The following IL1RL2 variants were observed in gnomAD, a reference collection of about 807,000 sequenced individuals.
The protein encoded by IL1RL2 is interleukin 1 receptor like 2, also known as interleukin-1 receptor-like 2.
In IL1RL2, 68 loss-of-function variants were observed where a neutral mutation model predicts 66.8. The ratio of observed to expected loss-of-function variants is 1.02; its 90% CI spans 0.84 to 1.25. IL1RL2 has a LOEUF of 1.25. IL1RL2 is among the 50% of genes most tolerant of loss of function. The pLI, the probability that IL1RL2 is intolerant of heterozygous loss-of-function variation, is 0.00. For missense variants in IL1RL2, 729 were observed against 709.3 expected, an observed-to-expected ratio of 1.03 and a Z score of -0.32; for synonymous variants, 305 against 264.6, an observed-to-expected ratio of 1.15 and a Z score of -1.48.
intron 4 of IL1RL2, among the ~76,000 whole-genome samples, chr2:102,195,833 C>A (rs893183542): frequency 6.6e-6 from 1 of 151,474 alleles, no homozygotes; most frequent in Non-Finnish European, 1.5e-5. Flanking sequence ...CCTGCCTCAG[C>A]CTCCAGAGTA....
Position 102,195,622 on chromosome 2 carries a change from T to C in IL1RL2, c.489+3502T>C, listed in dbSNP as rs1344729438. ...CTTTCTTTCTTTCTTTCTTTCTTTC[T>C]TTCTTTCTCTCTCTCTCTCTCTCTC... is the stretch of plus-strand genomic sequence containing the variant. On this transcript the variant is annotated intron_variant, in intron 4 of 11. Coordinates refer to ENST00000264257, the MANE Select transcript of IL1RL2 (RefSeq NM_003854.4). Among the ~76,000 whole-genome samples the C allele has an allele frequency of 4.4e-3, 70 of 15,958 alleles. 3 individuals carry two copies. The highest frequency in any genetic ancestry group is 0.011 in the African/African-American group (69 of 6,236). 10.5% of individuals were successfully genotyped at this position (15,958 alleles called of 152,430 possible).
At chr2:102,236,057 C>A (rs1674852606) in intron 11 of IL1RL2, 1 of 586,416 alleles carries the variant, frequency 1.7e-6, no homozygotes, top group Non-Finnish European at 2.1e-6. Context: ...AATTATAGTC[C>A]AAGCAAGGCA....
intron 11 of IL1RL2, chr2:102,236,013 C>G (rs907206202): frequency 1.1e-6 from 1 of 889,418 alleles, no homozygotes; most frequent in African/African-American, 1.8e-5. Flanking sequence ...TTCTGAGCAG[C>G]CTGTGAGAGA....
At chr2:102,199,733 T>G (rs1278135871) in intron 4 of IL1RL2, among the ~76,000 whole-genome samples, 1 of 152,084 alleles carries the variant, frequency 6.6e-6, no homozygotes, top group Non-Finnish European at 1.5e-5. Flanking sequence ...AAAGAAAGAA[T>G]GAACCCATCA....
chr2:102,225,282 G>A lies in IL1RL2; in HGVS notation c.992-616G>A, dbSNP rs543614927. 5.9e-5 allele frequency among the ~76,000 whole-genome samples: 9 copies of A among 152,338 alleles called. No individual in the cohort carries two copies. The East Asian group carries it at 1.7e-3, about 29-fold the overall frequency. On this transcript the variant is annotated intron_variant, in intron 8 of 11. Coordinates refer to ENST00000264257, the MANE Select transcript of IL1RL2 (RefSeq NM_003854.4). Reference sequence around the variant, plus strand: ...AGGCTAGGGTGTAAACATTCTTTCTGAGACTGTGCCTCTCGCACAGGCACC... The same window carrying A: ...AGGCTAGGGTGTAAACATTCTTTCTAAGACTGTGCCTCTCGCACAGGCACC...
At chr2:102,228,448 C>T (rs1190751507) in intron 9 of IL1RL2, among the ~76,000 whole-genome samples, 2 of 152,154 alleles carry the variant, frequency 1.3e-5, no homozygotes, top group South Asian at 2.1e-4. Context: ...TTAGAAGGAG[C>T]CATTGACAGC....
At chr2:102,223,381 C>T (rs950142195) in intron 8 of IL1RL2, among the ~76,000 whole-genome samples, 25 of 152,140 alleles carry the variant, frequency 1.6e-4, no homozygotes, top group African/African-American at 5.1e-4. Context: ...TGGGTGTGCT[C>T]TTCCGTGAAT....
chr2:102,187,649 T>C, intron 1 of IL1RL2, among the ~76,000 whole-genome samples: 1 of 152,132 alleles, frequency 6.6e-6, no homozygotes, highest in East Asian at 1.9e-4. Context: ...CTCCCTGCCC[T>C]GGATCCTGGT....
At chr2:102,217,109 G>C (rs1689678591) in intron 6 of IL1RL2, among the ~76,000 whole-genome samples, 1 of 152,106 alleles carries the variant, frequency 6.6e-6, no homozygotes, top group Non-Finnish European at 1.5e-5. Context: ...TTCACTTTCA[G>C]TTGCAGCATT....
chr2:102,235,803 A>G (rs1674826956), intron 11 of IL1RL2: 1 of 985,424 alleles, frequency 1.0e-6, no homozygotes, highest in African/African-American at 1.7e-5. Flanking sequence ...TCACTCTGTC[A>G]GTGCAGACAA....
intron 6 of IL1RL2, 75 bp from the exon 7 acceptor site, chr2:102,218,878 T>A: frequency 7.5e-7 from 1 of 1,330,624 alleles, no homozygotes; most frequent in South Asian, 1.2e-5. Flanking sequence ...TACGATGCAC[T>A]TGTAATCCAG....
intron 4 of IL1RL2, among the ~76,000 whole-genome samples, chr2:102,195,904 A>G (rs1342719259): frequency 6.6e-6 from 1 of 151,616 alleles, no homozygotes; most frequent in Admixed American, 6.6e-5. Flanking sequence ...TACTAGAGAC[A>G]GGATTTCACC....
At position 102,205,047 on chromosome 2, in the gene IL1RL2, G is replaced by A. The variant is rs193092397; in HGVS notation, c.649+3332G>A. Among the ~76,000 whole-genome samples the A allele has an allele frequency of 1.5e-4, 23 of 151,822 alleles. No homozygotes were observed. The East Asian group carries it at 4.4e-3, about 29-fold the overall frequency. ...ATTTTTTCTGGTTTGAGGTTTCCATGAGGCTTGAAAATACTATTTTATAAC... is the reference window on the plus strand; with the variant it reads ...ATTTTTTCTGGTTTGAGGTTTCCATAAGGCTTGAAAATACTATTTTATAAC... On this transcript the variant is annotated intron_variant, in intron 5 of 11. Transcript: ENST00000264257.
rs1039495245 is a variant in IL1RL2 at position 102,231,963 on chromosome 2, G to T, written c.1136-1000G>T. Among the ~76,000 whole-genome samples the T allele has an allele frequency of 7.4e-4, 112 of 152,188 alleles. 1 individual carries two copies. The highest frequency in any genetic ancestry group is 2.6e-3 in the African/African-American group (108 of 41,460). ...AGTGCTTCGTCATACAGGACACGCT[G>T]AGGGTAACATGGGTAAATGGCTAGA... On this transcript the variant is annotated intron_variant, in intron 9 of 11. Coordinates refer to ENST00000264257, the MANE Select transcript of IL1RL2 (RefSeq NM_003854.4).
rs146682817 is a variant in IL1RL2 at position 102,219,898 on chromosome 2, G to A, written c.872G>A (p.Arg291Gln). Residue 291 changes from arginine (R) to glutamine (Q), a missense_variant, in exon 8 of 12, where the codon CGG becomes CAG. Arg to Gln is a conservative substitution (Grantham distance 43, BLOSUM62 1). Transcript: ENST00000264257. ...TTTTATAGAACCCATGTCTCTTTTC[G>A]GGAACATAATTTGTACACAGTAAAC... ...REGVETHVSF[R>Q]EHNLYTVNIT... 3.4e-5 allele frequency: 54 copies of A among 1,610,536 alleles called. No individual in the cohort carries two copies. In the African/African-American group the frequency reaches 3.5e-4, roughly 10 times the overall value.
chr2:102,219,939 G>A lies in IL1RL2; in HGVS notation c.913G>A (p.Val305Met). ...CACAGTAAACATCACCTTCTTGGAAGTGAAAATGGAAGATTATGGCCTTCC... is the reference window on the plus strand; with the variant it reads ...CACAGTAAACATCACCTTCTTGGAAATGAAAATGGAAGATTATGGCCTTCC... ...LYTVNITFLE[V>M]KMEDYGLPFM... The change falls in exon 8 of 12, where the codon GTG becomes ATG. Residue 305 changes from valine to methionine, a missense_variant. Val to Met is a conservative substitution (Grantham distance 21). Coordinates refer to ENST00000264257, the MANE Select transcript of IL1RL2 (RefSeq NM_003854.4). 1 of 1,613,774 alleles carries A rather than the reference G, an allele frequency of 6.2e-7. No homozygotes were observed. The highest frequency in any genetic ancestry group is 8.5e-7 in the Non-Finnish European group (1 of 1,179,688).
downstream of IL1RL2, among the ~76,000 whole-genome samples, chr2:102,242,099 C>A (rs1211620381): frequency 6.6e-6 from 1 of 152,194 alleles, no homozygotes; most frequent in African/African-American, 2.4e-5. Context: ...TTACGCAAGT[C>A]TGCTGTGAAA....
intron 9 of IL1RL2, among the ~76,000 whole-genome samples, chr2:102,231,930 G>A (rs1473414122): frequency 6.6e-6 from 1 of 152,206 alleles, no homozygotes; most frequent in Non-Finnish European, 1.5e-5. Flanking sequence ...GCCTGGTGCA[G>A]TTAGGACAGT....
At chr2:102,231,367 G>A (rs1340528237) in intron 9 of IL1RL2, among the ~76,000 whole-genome samples, 1 of 152,026 alleles carries the variant, frequency 6.6e-6, no homozygotes, top group African/African-American at 2.4e-5. Context: ...GCCTGGTGGC[G>A]GGCGCCTATA....
Sources: gnomAD v4.1 joint callset for allele counts (sites outside exome capture counted in the v4.1 genomes callset) on GRCh38, gnomAD v4.1.1 for gene constraint, MANE v1.5 for transcripts, NCBI Gene and HGNC (gene_info 2026-07-23, HGNC 2026-07-21) for gene names.